The following CNTNAP2 variants were observed in gnomAD, a reference collection of about 807,000 sequenced individuals.
CNTNAP2 encodes contactin-associated protein-like 2.
A neutral mutation model predicts 155.2 loss-of-function variants in CNTNAP2; 98 were observed. That is an observed-to-expected ratio of 0.63 (90% CI 0.54 to 0.75). The LOEUF is 0.75. Ranked by LOEUF, CNTNAP2 falls within the 30% of genes least tolerant of loss-of-function variation. The pLI is 0.00. For missense variants in CNTNAP2, 1,727 were observed against 1,688.1 expected, an observed-to-expected ratio of 1.02 and a Z score of -0.40; for synonymous variants, 651 against 631.2, an observed-to-expected ratio of 1.03 and a Z score of -0.47.
chr7:148,296,365 C>CT (rs1797283979), intron 21 of CNTNAP2, among the ~76,000 whole-genome samples: 1 of 151,420 alleles, frequency 6.6e-6, no homozygotes, highest in Non-Finnish European at 1.5e-5. Flanking sequence ...GTGAGACCCC[C>CT]CCCGCCCACC....
chr7:147,183,313 A>T (rs10500171), intron 8 of CNTNAP2, among the ~76,000 whole-genome samples: 1 of 151,986 alleles, frequency 6.6e-6, no homozygotes, highest in Admixed American at 6.6e-5. Context: ...TCACTGGCTA[A>T]CAGCTAAATA....
intron 12 of CNTNAP2, among the ~76,000 whole-genome samples, chr7:147,599,672 C>A (rs1462529245): frequency 3.3e-5 from 5 of 152,150 alleles, no homozygotes; most frequent in African/African-American, 1.2e-4. Context: ...TCCTTGAGTT[C>A]TTTGGCATGT....
chr7:147,748,202 A>T (rs993767927), intron 13 of CNTNAP2, among the ~76,000 whole-genome samples: 4 of 152,210 alleles, frequency 2.6e-5, no homozygotes, highest in African/African-American at 9.6e-5. Flanking sequence ...GAACTCAATG[A>T]TGTTTAAGAA....
intron 8 of CNTNAP2, among the ~76,000 whole-genome samples, chr7:147,148,270 G>A (rs1329113450): frequency 6.7e-6 from 1 of 150,240 alleles, no homozygotes; most frequent in Non-Finnish European, 1.5e-5. Flanking sequence ...GGCGCCTGTA[G>A]TCCCAGCTAC....
At chr7:147,454,991 G>A (rs1018412370) in intron 10 of CNTNAP2, among the ~76,000 whole-genome samples, 1 of 152,074 alleles carries the variant, frequency 6.6e-6, no homozygotes, top group African/African-American at 2.4e-5. Context: ...AGAGCTGGCG[G>A]TATGCCCCAT....
At chr7:146,584,005 T>C (rs890023562) in intron 1 of CNTNAP2, among the ~76,000 whole-genome samples, 2 of 152,176 alleles carry the variant, frequency 1.3e-5, no homozygotes, top group African/African-American at 4.8e-5. Context: ...CTGATGTAGA[T>C]TATAAATCTA....
chr7:147,915,759 G>T (rs868395006), intron 14 of CNTNAP2, among the ~76,000 whole-genome samples: 4 of 151,432 alleles, frequency 2.6e-5, no homozygotes, highest in African/African-American at 7.3e-5. Context: ...GCGGGCGGGG[G>T]TGAAGAAGAA....
intron 1 of CNTNAP2, among the ~76,000 whole-genome samples, chr7:146,370,966 T>C (rs1483642715): frequency 6.6e-6 from 1 of 152,186 alleles, no homozygotes; most frequent in African/African-American, 2.4e-5. Flanking sequence ...TCCTTAATTA[T>C]GTTGCAATAG....
intron 13 of CNTNAP2, among the ~76,000 whole-genome samples, chr7:147,884,873 T>TA (rs2116721705): frequency 6.6e-6 from 1 of 151,884 alleles, no homozygotes; most frequent in East Asian, 2.0e-4. Context: ...AATGGATGAA[T>TA]AATGTGTGAC....
At chr7:146,896,568 G>T (rs995039075) in intron 3 of CNTNAP2, among the ~76,000 whole-genome samples, 2 of 151,986 alleles carry the variant, frequency 1.3e-5, no homozygotes, top group African/African-American at 4.8e-5. Context: ...ATACAATTTT[G>T]TTGGCTGATC....
At chr7:148,092,695 A>C (rs1803869360) in intron 15 of CNTNAP2, among the ~76,000 whole-genome samples, 1 of 152,172 alleles carries the variant, frequency 6.6e-6, no homozygotes, top group African/African-American at 2.4e-5. Context: ...CCAATCTCTC[A>C]AGAAGACATA....
At chr7:146,323,162 T>C (rs892087164) in intron 1 of CNTNAP2, among the ~76,000 whole-genome samples, 1 of 152,170 alleles carries the variant, frequency 6.6e-6, no homozygotes, top group Non-Finnish European at 1.5e-5. Flanking sequence ...TCTGATTGCT[T>C]TTCTTCAGCA....
chr7:146,422,359 G>GTATATATATATATATATA (rs971506491), intron 1 of CNTNAP2, among the ~76,000 whole-genome samples: 156 of 148,140 alleles, frequency 1.1e-3, no homozygotes, highest in African/African-American at 3.6e-3. Flanking sequence ...GTATATATAT[G>GTATATATATATATATATA]TATATATATA....
At chr7:146,428,112 T>C (rs1230079825) in intron 1 of CNTNAP2, among the ~76,000 whole-genome samples, 1 of 152,230 alleles carries the variant, frequency 6.6e-6, no homozygotes, top group Admixed American at 6.5e-5. Flanking sequence ...ATGGCATATA[T>C]ACACCACATT....
intron 21 of CNTNAP2, among the ~76,000 whole-genome samples, chr7:148,381,954 G>A (rs1799070027): frequency 6.6e-6 from 1 of 152,252 alleles, no homozygotes; most frequent in African/African-American, 2.4e-5. Flanking sequence ...TCCGGTTTTG[G>A]AAGTACTGGT....
At chr7:146,266,411 C>T (rs980604123) in intron 1 of CNTNAP2, among the ~76,000 whole-genome samples, 4 of 152,108 alleles carry the variant, frequency 2.6e-5, no homozygotes, top group Admixed American at 1.3e-4. Context: ...CTTTAAATCC[C>T]CCAGAGTTAG....
chr7:147,079,103 TATAAC>T (rs1396932546), intron 4 of CNTNAP2, among the ~76,000 whole-genome samples: 5 of 152,198 alleles, frequency 3.3e-5, no homozygotes, highest in Non-Finnish European at 7.3e-5. Flanking sequence ...TACTCTGTAA[TATAAC>T]ATAACTAGCA....
chr7:147,042,618 G>T (rs547934449), intron 3 of CNTNAP2, among the ~76,000 whole-genome samples: 5 of 152,042 alleles, frequency 3.3e-5, no homozygotes, highest in Admixed American at 1.3e-4. Context: ...CATTATTAAA[G>T]ATAATTTTTT....
intron 11 of CNTNAP2, among the ~76,000 whole-genome samples, chr7:147,521,652 G>A (rs1359860426): frequency 6.6e-6 from 1 of 152,122 alleles, no homozygotes; most frequent in Non-Finnish European, 1.5e-5. Flanking sequence ...AAATAGACGA[G>A]TCATTCTCTG....
Sources: gnomAD v4.1 joint callset for allele counts (sites outside exome capture counted in the v4.1 genomes callset) on GRCh38, gnomAD v4.1.1 for gene constraint, MANE v1.5 for transcripts, NCBI Gene and HGNC (gene_info 2026-07-23, HGNC 2026-07-21) for gene names.